GNPDA1: variants seen among roughly 807,000 people sequenced by gnomAD.
GNPDA1 encodes the protein GNPDA 1.
A neutral mutation model predicts 28.5 loss-of-function variants in GNPDA1; 24 were observed. That is an observed-to-expected ratio of 0.84 (90% CI 0.61 to 1.19). The LOEUF (loss-of-function observed/expected upper bound fraction) is 1.19, where lower values mean the gene tolerates loss of function less well. Ranked by LOEUF, GNPDA1 falls within the 50% of genes most tolerant of loss-of-function variation. GNPDA1 has a pLI of 0.00. For missense variants in GNPDA1, 264 were observed against 367.3 expected (o/e 0.72, Z 2.30); for synonymous variants, 147 against 139.3 (o/e 1.06, Z -0.39).
chr5:142,005,388 CA>C, intron 4 of GNPDA1: 1 of 312,870 alleles, frequency 3.2e-6, no homozygotes, highest in Admixed American at 4.2e-5. Flanking sequence ...CTATCACCCT[CA>C]AAAAGCTGAG....
At chr5:142,008,830 GAATT>G (rs1755870236) in intron 2 of GNPDA1, among the ~76,000 whole-genome samples, 1 of 152,044 alleles carries the variant, frequency 6.6e-6, no homozygotes, top group Non-Finnish European at 1.5e-5. Context: ...ACTGGACACT[GAATT>G]AATTTTTTAA....
chr5:142,012,832 G>GC, intron 1 of GNPDA1, 163 bp downstream of exon 1: 4 of 171,982 alleles, frequency 2.3e-5, no homozygotes, highest in Non-Finnish European at 4.6e-5. Flanking sequence ...GGGGTACAGC[G>GC]TGTCCCCCAC....
In GNPDA1 at chr5:142,003,813, T is replaced by C. The variant is rs114492399; in HGVS notation, c.595-551A>G. Among the ~76,000 whole-genome samples, 958 of 152,350 alleles carry C rather than the reference T, an allele frequency of 6.3e-3. 12 individuals carry two copies. Among genetic ancestry groups the C allele is most frequent in the African/African-American group, 0.022 (926 of 41,582 alleles). On this transcript the variant is annotated intron_variant, in intron 5 of 6. Transcript: ENST00000311337. The surrounding 1 kb of genome is among the most constrained non-coding windows in gnomAD (Gnocchi z 4.0). ...ATGTGACTTGGGGTGATGGTTTTTG[T>C]TAATATATAATAAAACAAAGGCACA...
Position 142,011,929 on chromosome 5 carries a change from G to C in GNPDA1, c.107C>G (p.Thr36Ser), listed in dbSNP as rs149155544. The C allele has an allele frequency of 1.9e-6, 3 of 1,614,102 alleles. No homozygotes were observed. Among genetic ancestry groups the C allele is most frequent in the Non-Finnish European group, 2.5e-6 (3 of 1,179,970 alleles). The change falls in exon 2 of 7, where the codon ACC becomes AGC. Residue 36 changes from threonine (T) to serine (S), a missense_variant. Coordinates refer to ENST00000311337, the MANE Select transcript of GNPDA1 (RefSeq NM_005471.5). ...GAACGCACCAGTGGGGAGCCCCAGG[G>C]TGAAGTACTTCTCTGGCCCTGGGTT... ...QFNPGPEKYF[T>S]LGLPTGSTPL...
chr5:142,007,748 G>T, intron 3 of GNPDA1, 51 bp downstream of exon 3: 2 of 1,088,934 alleles, frequency 1.8e-6, no homozygotes, highest in South Asian at 1.3e-5. Context: ...ATGAGAGGAG[G>T]AGCATCACTC....
intron 5 of GNPDA1, among the ~76,000 whole-genome samples, chr5:142,004,373 C>G (rs906526378): frequency 1.3e-5 from 2 of 152,206 alleles, no homozygotes; most frequent in Non-Finnish European, 2.9e-5. Flanking sequence ...GAAAATGCTT[C>G]TAAAGTTCTA....
chr5:142,007,642 C>T (rs1302869691), intron 3 of GNPDA1, among the ~76,000 whole-genome samples, 157 bp downstream of exon 3: 4 of 151,998 alleles, frequency 2.6e-5, no homozygotes, highest in Non-Finnish European at 1.5e-5. Flanking sequence ...TTTATTAGCC[C>T]CATTTTATAG....
Position 142,006,330 on chromosome 5 carries a change from TG to T in GNPDA1, c.227-5del. The stretch of plus-strand genomic sequence containing the variant: ...TCCGGGTGGTCTCGAGGAAGGCCTG[TG>T]GGGCCGTGAGACACTCGGTTATGCC... On this transcript the variant is annotated splice_polypyrimidine_tract_variant and splice_region_variant and intron_variant, in intron 3 of 6. Coordinates refer to ENST00000311337, the MANE Select transcript of GNPDA1 (RefSeq NM_005471.5). 6.2e-7 allele frequency: 1 copy of T among 1,610,426 alleles called. No individual in the cohort carries two copies. The highest frequency in any genetic ancestry group is 1.8e-4 in the Middle Eastern group (1 of 5,410).
At chr5:142,002,930 GA>G (rs1460809102) in intron 6 of GNPDA1, among the ~76,000 whole-genome samples, 157 bp downstream of exon 6, 3 of 152,176 alleles carry the variant, frequency 2.0e-5, no homozygotes, top group African/African-American at 7.2e-5. Flanking sequence ...GTCACAGGCA[GA>G]AGAGAAATGA....
At chr5:142,010,493 A>C (rs187223715) in intron 2 of GNPDA1, among the ~76,000 whole-genome samples, 2 of 129,278 alleles carry the variant, frequency 1.5e-5, no homozygotes, top group Non-Finnish European at 3.2e-5. Context: ...ATGAGTTAAG[A>C]ATGGTTTTCT....
Position 142,003,351 on chromosome 5 carries a change from G to C in GNPDA1, c.595-89C>G. 1.2e-6 allele frequency: 1 copy of C among 866,010 alleles called. No homozygotes were observed. The highest frequency in any genetic ancestry group is 1.8e-6 in the Non-Finnish European group (1 of 549,460). The allele number at this position is 866,010 out of a possible 1,614,324, so 53.6% of individuals were successfully genotyped here. ...GGATGATTGTTTTTCATATCACATT[G>C]TAAGTGGTTACCATGCAACATACTT... On this transcript the variant is annotated intron_variant, in intron 5 of 6. Transcript: ENST00000311337. This position sits in a 1 kb window ranked among gnomAD's most constrained non-coding sequence, Gnocchi z 4.0.
Position 142,001,202 on chromosome 5 carries a change from T to C in GNPDA1, c.*827A>G, listed in dbSNP as rs1389200838. 3 of 152,312 alleles carry C rather than the reference T, an allele frequency of 2.0e-5. No homozygotes were observed. Among genetic ancestry groups the C allele is most frequent in the African/African-American group, 7.2e-5 (3 of 41,426 alleles). The allele number at this position is 152,312 out of a possible 1,614,324, so 9.4% of individuals were successfully genotyped here. A position where few individuals can be genotyped will look rare whatever the true frequency, so the allele number is the denominator to read the frequency against. On this transcript the variant is annotated 3_prime_UTR_variant, in exon 7 of 7. Transcript: ENST00000311337. ...TTGGCTGAACACAACACTGAAATTG[T>C]GGCAGTGTCTGTTGCCCCAGTGGAC...
At chr5:142,007,449 C>A (rs1596737129) in intron 3 of GNPDA1, among the ~76,000 whole-genome samples, 2 of 152,060 alleles carry the variant, frequency 1.3e-5, no homozygotes, top group African/African-American at 4.8e-5. Flanking sequence ...AGGGGAAACA[C>A]CCGAGCCAGG....
intron 6 of GNPDA1, among the ~76,000 whole-genome samples, chr5:142,002,482 G>A (rs949069709): frequency 1.3e-5 from 2 of 152,182 alleles, no homozygotes; most frequent in African/African-American, 4.8e-5. Flanking sequence ...GCTGGGCATC[G>A]TGGCTCACAC....
intron 2 of GNPDA1, among the ~76,000 whole-genome samples, chr5:142,008,555 T>C (rs7708455): frequency 0.19 from 28,768 of 152,138 alleles, 2,968 homozygotes; most frequent in African/African-American, 0.24. Flanking sequence ...GGTGAAACCC[T>C]GTCTCTACTA....
At position 142,002,937 on chromosome 5, in the gene GNPDA1, A is replaced by T. The variant is rs1395946434; in HGVS notation, c.769+151T>A. 7 of 620,514 alleles carry T rather than the reference A, an allele frequency of 1.1e-5. No individual in the cohort carries two copies. In the African/African-American group the frequency reaches 1.3e-4, roughly 11 times the overall value. 38.4% of individuals were successfully genotyped at this position (620,514 alleles called of 1,614,324 possible). ...TCTTTGCAGTCACAGGCAGAAGAGA[A>T]ATGACTGTGTAGTGTGATGCAGTTG... On this transcript the variant is annotated intron_variant, in intron 6 of 6. Coordinates refer to ENST00000311337, the MANE Select transcript of GNPDA1 (RefSeq NM_005471.5).
intron 4 of GNPDA1, 101 bp from the exon 5 acceptor site, chr5:142,005,217 T>C (rs556301157): frequency 1.5e-4 from 139 of 905,456 alleles, no homozygotes; most frequent in Non-Finnish European, 2.1e-4. Context: ...AGAAAAATCA[T>C]TGAAAGCTGT....
intron 3 of GNPDA1, 47 bp from the exon 4 acceptor site, chr5:142,006,373 CCCTCT>C: frequency 7.0e-7 from 1 of 1,435,516 alleles, no homozygotes; most frequent in Non-Finnish European, 9.7e-7. Context: ...AAGCCAAAGC[CCCTCT>C]CCTAAGAAGG....
rs775474071 is a variant in GNPDA1, at chr5:142,007,793, A to C, written c.226+6T>G. On this transcript the variant is annotated splice_donor_region_variant and intron_variant, in intron 3 of 6. Transcript: ENST00000311337. ...CAGGAAAGAACCTTGAAAGAGAAAG[A>C]CTCACCCACGTACTCATCCATGTTG... 2.6e-6 allele frequency: 4 copies of C among 1,515,890 alleles called. No homozygotes were observed. Among genetic ancestry groups the C allele is most frequent in the Non-Finnish European group, 3.7e-6 (4 of 1,090,968 alleles). 93.9% of individuals were successfully genotyped at this position (1,515,890 alleles called of 1,614,324 possible). A position where few individuals can be genotyped will look rare whatever the true frequency, so the allele number is the denominator to read the frequency against.
Sources: allele counts gnomAD v4.1 joint callset (sites outside exome capture counted in the v4.1 genomes callset), GRCh38; gene constraint gnomAD v4.1.1; non-coding constraint Gnocchi (gnomAD v3.1); transcripts MANE v1.5; gene names NCBI Gene and HGNC (gene_info 2026-07-23, HGNC 2026-07-21).